The following DNA2 variants were observed in gnomAD, a reference collection of about 807,000 sequenced individuals.
DNA2 encodes DNA replication helicase/nuclease 2.
DNA2 carries 101 observed loss-of-function variants against 119.1 expected under a neutral mutation model. That is an observed-to-expected ratio of 0.85 (90% CI 0.72 to 1.00). DNA2 has a LOEUF of 1.00. Among genes scored for constraint, DNA2 ranks in the 50% least tolerant of loss-of-function variants. DNA2 has a pLI of 0.00. For synonymous variants in DNA2, 366 were observed against 424.4 expected, an observed-to-expected ratio of 0.86 and a Z score of 1.69; for missense variants, 1,121 against 1,255.5, an observed-to-expected ratio of 0.89 and a Z score of 1.62.
chr10:68,461,581 C>G (rs1207776633), intron 4 of DNA2: 1 of 152,064 alleles, frequency 6.6e-6, no homozygotes, highest in Non-Finnish European at 1.5e-5. Flanking sequence ...GTAATCTCAG[C>G]ACTTTGGGAG....
intron 5 of DNA2, 135 bp downstream of exon 5, chr10:68,458,969 C>T: frequency 4.1e-6 from 3 of 738,816 alleles, no homozygotes; most frequent in Non-Finnish European, 6.0e-6. Flanking sequence ...TACTTAGGAC[C>T]ATAATTTATA....
rs1024849045 is a variant in DNA2, at chr10:68,471,752, T to A, written c.74+39A>T. On this transcript the variant is annotated intron_variant, in intron 1 of 20. Transcript: ENST00000358410. ...CCTCTCCCGCTCCTTCTTTCAAATC[T>A]CCCGCTTTGTTCCCACACCCTCCCC... 4 of 1,538,086 alleles carry A rather than the reference T, an allele frequency of 2.6e-6. No homozygotes were observed. In the African/African-American group the frequency reaches 5.5e-5, roughly 21 times the overall value.
At chr10:68,459,360 C>A in intron 4 of DNA2, 125 bp from the exon 5 acceptor site, 2 of 970,324 alleles carry the variant, frequency 2.1e-6, no homozygotes, top group South Asian at 2.0e-5. Flanking sequence ...ATAAGCAACC[C>A]AACTGTTCGT....
chr10:68,448,688 C>A (rs958295793), intron 6 of DNA2, among the ~76,000 whole-genome samples: 1 of 152,150 alleles, frequency 6.6e-6, no homozygotes, highest in Non-Finnish European at 1.5e-5. Flanking sequence ...CAGTAATATT[C>A]TTTGCCTTGA....
At chr10:68,448,433 T>G (rs901074896) in intron 6 of DNA2, among the ~76,000 whole-genome samples, 14 of 152,194 alleles carry the variant, frequency 9.2e-5, no homozygotes, top group African/African-American at 3.4e-4. Context: ...TTATCAAAAT[T>G]AAAAAGTCAA....
At chr10:68,438,767 C>G (rs868292320) in intron 9 of DNA2, among the ~76,000 whole-genome samples, 7 of 152,096 alleles carry the variant, frequency 4.6e-5, no homozygotes, top group Admixed American at 1.3e-4. Flanking sequence ...GGCGCCGTGG[C>G]TCATGCCTGT....
Position 68,465,956 on chromosome 10 carries a change from G to A in DNA2, c.442-144C>T, listed in dbSNP as rs369202029. Reference sequence around the variant, plus strand: ...TATTAAAAAAATTTTTTTCTGGTGCGTGGAATTATAAGTGACTTTCACTTT... The same window carrying A: ...TATTAAAAAAATTTTTTTCTGGTGCATGGAATTATAAGTGACTTTCACTTT... On this transcript the variant is annotated intron_variant, in intron 3 of 20. Transcript: ENST00000358410. 2.5e-4 allele frequency: 140 copies of A among 568,452 alleles called. No individual in the cohort carries two copies. The Middle Eastern group carries it at 3.6e-3, about 15-fold the overall frequency. 35.2% of individuals were successfully genotyped at this position (568,452 alleles called of 1,614,324 possible). A position where few individuals can be genotyped will look rare whatever the true frequency, so the allele number is the denominator to read the frequency against.
rs1456681115 is a variant in DNA2 at position 68,422,799 on chromosome 10, A to G, written c.2300T>C (p.Ile767Thr). ...GGGGCCCAGACAAATTGGTTGGCTA[A>G]TTTGAGAGGCTTCATCCACAATACA... ...DFCIVDEASQISQPICLGPLF... is the reference protein window; with the variant it reads ...DFCIVDEASQTSQPICLGPLF... Residue 767 changes from isoleucine (I) to threonine (T), a missense_variant, in exon 15 of 21, where the codon ATT (isoleucine) becomes ACT (threonine). Transcript: ENST00000358410. The G allele has an allele frequency of 1.9e-6, 3 of 1,612,188 alleles. No individual in the cohort carries two copies.
intron 8 of DNA2, 49 bp downstream of exon 8, chr10:68,444,872 T>G: frequency 6.8e-7 from 1 of 1,472,854 alleles, no homozygotes; most frequent in Non-Finnish European, 9.4e-7. Flanking sequence ...ACGTATTTAG[T>G]TGAGTTCATA....
intron 2 of DNA2, 113 bp from the exon 3 acceptor site, chr10:68,468,419 T>C (rs1197661174): frequency 2.9e-6 from 2 of 700,386 alleles, no homozygotes; most frequent in Non-Finnish European, 4.1e-6. Flanking sequence ...AAGAAAAAAA[T>C]ATTTCTAAAT....
intron 2 of DNA2, among the ~76,000 whole-genome samples, chr10:68,468,965 G>A (rs1033787222): frequency 5.9e-5 from 9 of 151,764 alleles, no homozygotes; most frequent in Non-Finnish European, 1.0e-4. Context: ...CAGGAGAATC[G>A]CTTGAACCCA....
intron 9 of DNA2, among the ~76,000 whole-genome samples, chr10:68,440,530 C>T (rs1480753321): frequency 6.6e-6 from 1 of 151,934 alleles, no homozygotes; most frequent in Admixed American, 6.6e-5. Flanking sequence ...ATATCCTGAC[C>T]TCGTGATCCA....
chr10:68,464,555 C>A (rs1331441055), intron 4 of DNA2, among the ~76,000 whole-genome samples: 1 of 151,890 alleles, frequency 6.6e-6, no homozygotes, highest in Non-Finnish European at 1.5e-5. Flanking sequence ...TAAGGTAGGC[C>A]GGGCGCAGTG....
Position 68,430,416 on chromosome 10 carries a change from T to C in DNA2, c.2208+20A>G. 1 of 1,509,786 alleles carries C rather than the reference T, an allele frequency of 6.6e-7. No individual in the cohort carries two copies. The allele number at this position is 1,509,786 out of a possible 1,614,324, so 93.5% of individuals were successfully genotyped here. A position where few individuals can be genotyped will look rare whatever the true frequency, so the allele number is the denominator to read the frequency against. On this transcript the variant is annotated intron_variant, in intron 14 of 20. Transcript: ENST00000358410. Reference sequence around the variant, plus strand: ...TGTGGACATTAACTGTTAGTATTATTATACAATAATTGTGCTTACTTGACT... The same window carrying C: ...TGTGGACATTAACTGTTAGTATTATCATACAATAATTGTGCTTACTTGACT...
upstream of DNA2, chr10:68,472,006 G>C: frequency 3.1e-6 from 5 of 1,610,078 alleles, no homozygotes; most frequent in Non-Finnish European, 3.4e-6. Flanking sequence ...AATGACCTGC[G>C]CCAGGCCGCC....
intron 5 of DNA2, among the ~76,000 whole-genome samples, chr10:68,457,116 A>T (rs2052194697): frequency 6.6e-6 from 1 of 151,316 alleles, no homozygotes. Context: ...CCTGGGCAAC[A>T]GAGCGAGACT....
chr10:68,462,026 T>C (rs964200477), intron 4 of DNA2, among the ~76,000 whole-genome samples: 10 of 151,994 alleles, frequency 6.6e-5, no homozygotes, highest in African/African-American at 2.4e-4. Context: ...TTTACAATAG[T>C]TTTTTCATTA....
chr10:68,430,574 G>A lies in DNA2; in HGVS notation c.2070C>T (p.Ala690=), dbSNP rs940392462. ...AACGCAAAAATCCTATTTTAAACTT[G>A]GCTAACTTCAAAAGAATATTGTCAA... ...SAVDNILLKL[A]KFKIGFLRLG... is the part of the protein sequence containing the mutation. Residue 690 remains alanine (A), a synonymous_variant, in exon 14 of 21, where the codon GCC becomes GCT. Coordinates refer to ENST00000358410, the MANE Select transcript of DNA2 (RefSeq NM_001080449.3). The A allele has an allele frequency of 6.2e-7, 1 of 1,608,406 alleles. No homozygotes were observed. Among genetic ancestry groups the A allele is most frequent in the Admixed American group, 1.7e-5 (1 of 59,022 alleles).
intron 7 of DNA2, among the ~76,000 whole-genome samples, chr10:68,445,586 C>G (rs2052028351): frequency 6.6e-6 from 1 of 152,058 alleles, no homozygotes; most frequent in South Asian, 2.1e-4. Context: ...TCCCACTATA[C>G]TAGAATAACA....
Sources: gnomAD v4.1 joint callset for allele counts (sites outside exome capture counted in the v4.1 genomes callset) on GRCh38, gnomAD v4.1.1 for gene constraint, MANE v1.5 for transcripts, NCBI Gene and HGNC (gene_info 2026-07-23, HGNC 2026-07-21) for gene names.